ABCC11: variants seen among roughly 807,000 people sequenced by gnomAD.
ABCC11 encodes ATP binding cassette subfamily C member 11, also known as ATP-binding cassette sub-family C member 11.
In ABCC11, 135 loss-of-function variants were observed where a neutral mutation model predicts 149.3. That is an observed-to-expected ratio of 0.90 (90% CI 0.79 to 1.04). ABCC11 has a LOEUF of 1.04. Among genes scored for constraint, ABCC11 ranks in the 50% least tolerant of loss-of-function variants. ABCC11 has a pLI of 0.00. For synonymous variants in ABCC11, 665 were observed against 671.4 expected, an observed-to-expected ratio of 0.99 and a Z score of 0.15; for missense variants, 1,680 against 1,722.1, an observed-to-expected ratio of 0.98 and a Z score of 0.43.
intron 14 of ABCC11, among the ~76,000 whole-genome samples, chr16:48,202,370 G>A (rs2150827177): frequency 6.6e-6 from 1 of 152,268 alleles, no homozygotes; most frequent in Non-Finnish European, 1.5e-5. Context: ...CAGCACTTTG[G>A]AAGGCCGAGC....
intron 12 of ABCC11, 117 bp downstream of exon 12, chr16:48,208,308 C>T (rs747464434): frequency 1.3e-5 from 14 of 1,105,424 alleles, no homozygotes; most frequent in Middle Eastern, 2.8e-4. Context: ...ATAAAAATCC[C>T]ACTTGCTCAG....
In ABCC11 at chr16:48,167,385, C is replaced by T. The variant is rs368719789; in HGVS notation, c.4057-19G>A. The T allele has an allele frequency of 2.4e-5, 36 of 1,477,310 alleles. 1 individual carries two copies. The highest frequency in any genetic ancestry group is 1.4e-4 in the South Asian group (12 of 88,394). 91.5% of individuals were successfully genotyped at this position (1,477,310 alleles called of 1,614,324 possible). The stretch of plus-strand genomic sequence containing the variant: ...CTACCACCTGGAGGGTAGAGAAAGG[C>T]GAGGGGAGGATCAGGGCACAGCTGA... On this transcript the variant is annotated intron_variant, in intron 29 of 29. Coordinates refer to ENST00000356608, the MANE Select transcript of ABCC11 (RefSeq NM_001370497.1).
intron 11 of ABCC11, 21 bp downstream of exon 11, chr16:48,210,927 G>T: frequency 6.2e-7 from 1 of 1,609,832 alleles, no homozygotes; most frequent in Middle Eastern, 1.7e-4. Flanking sequence ...TGGCCTGCCT[G>T]CGTGGCCTGA....
Position 48,178,580 on chromosome 16 carries a change from C to T in ABCC11, c.3348+17G>A. The T allele has an allele frequency of 6.2e-7, 1 of 1,613,668 alleles. No individual in the cohort carries two copies. The highest frequency in any genetic ancestry group is 8.5e-7 in the Non-Finnish European group (1 of 1,179,678). On this transcript the variant is annotated intron_variant, in intron 24 of 29. Coordinates refer to ENST00000356608, the MANE Select transcript of ABCC11 (RefSeq NM_001370497.1). ...ACTTGCATGGCTCCCCACACCAGAC[C>T]CAGACCTGAACCCCACCTTCATGTA... is the stretch of plus-strand genomic sequence containing the variant.
At chr16:48,184,374 G>T in intron 23 of ABCC11, 66 bp downstream of exon 23, 1 of 1,556,228 alleles carries the variant, frequency 6.4e-7, no homozygotes, top group Non-Finnish European at 8.7e-7. Flanking sequence ...CCCTGAGTCT[G>T]CCCAGAAGCC....
In ABCC11 at chr16:48,187,321, GA is replaced by G. The variant is rs1966807407; in HGVS notation, c.2812del (p.Ser938GlnfsTer9). On this transcript the variant is annotated frameshift_variant, in exon 21 of 30. Transcript: ENST00000356608. LOFTEE classifies it high-confidence loss of function. The part of the protein sequence containing the change: ...EQLDQLLPIF[S>X]EQFLVLSLMV... ...TAAGGACAGGACCAGGAACTGCTCT[GA>G]AAAGATGGGCAAGAGCTGGTCCAGC... 1 of 1,614,094 alleles carries G rather than the reference GA, an allele frequency of 6.2e-7. No individual in the cohort carries two copies.
At chr16:48,215,175 C>A (rs1235689513) in intron 8 of ABCC11, 22 bp downstream of exon 8, 1 of 1,600,934 alleles carries the variant, frequency 6.2e-7, no homozygotes, top group South Asian at 1.1e-5. Flanking sequence ...AGGTTTGGAG[C>A]AGAAAGTCAG....
chr16:48,231,688 A>C (rs1970430590), intron 2 of ABCC11, 135 bp downstream of exon 2: 2 of 1,182,434 alleles, frequency 1.7e-6, no homozygotes, highest in East Asian at 2.7e-5. Context: ...AGAGAGAGAG[A>C]GAGCAAAAAG....
intron 23 of ABCC11, among the ~76,000 whole-genome samples, chr16:48,181,893 G>A (rs112751245): frequency 6.6e-5 from 10 of 152,298 alleles, no homozygotes; most frequent in East Asian, 1.9e-4. Context: ...GATTACAGGC[G>A]TGAGCCAACG....
chr16:48,187,531 A>G (rs1029124933), intron 20 of ABCC11, 104 bp from the exon 21 acceptor site: 1 of 912,394 alleles, frequency 1.1e-6, no homozygotes. Context: ...CACGGATCCC[A>G]GGGGTCTCCA....
At chr16:48,194,250 T>C (rs1197739867) in intron 18 of ABCC11, among the ~76,000 whole-genome samples, 1 of 152,218 alleles carries the variant, frequency 6.6e-6, no homozygotes, top group Non-Finnish European at 1.5e-5. Flanking sequence ...GAAATAGTGA[T>C]AACCTTACCA....
chr16:48,239,561 CAAAAAAAAAAA>C (rs756121627), intron 1 of ABCC11, among the ~76,000 whole-genome samples: 937 of 47,246 alleles, frequency 0.02, 21 homozygotes, highest in African/African-American at 0.058. Flanking sequence ...GACTGTGTCA[CAAAAAAAAAAA>C]AAAAAAAAAA....
intron 20 of ABCC11, among the ~76,000 whole-genome samples, chr16:48,191,535 C>T (rs1033590531): frequency 6.6e-6 from 1 of 152,160 alleles, no homozygotes; most frequent in Non-Finnish European, 1.5e-5. Flanking sequence ...TATGAGAACT[C>T]TCTGTACTTT....
rs775639090 is a variant in ABCC11, at chr16:48,215,311, G to A, written c.985C>T (p.His329Tyr). Reference sequence around the variant, plus strand: ...TGGTCGCTGACCTCAGATGTGTGATGCTGAGCCTTCACAGCCATTCTTGTC... The same window carrying A: ...TGGTCGCTGACCTCAGATGTGTGATACTGAGCCTTCACAGCCATTCTTGTC... ...FMTRMAVKAQ[H>Y]HTSEVSDQRI... The change falls in exon 8 of 30, where the codon CAT becomes TAT. Residue 329 changes from histidine to tyrosine, a missense_variant. His to Tyr is a moderately conservative substitution (Grantham distance 83). Transcript: ENST00000356608. 8.1e-6 allele frequency: 13 copies of A among 1,614,098 alleles called. No homozygotes were observed. In the South Asian group the frequency reaches 1.3e-4, roughly 16 times the overall value.
At chr16:48,191,075 C>T (rs933189002) in intron 20 of ABCC11, among the ~76,000 whole-genome samples, 4 of 152,238 alleles carry the variant, frequency 2.6e-5, no homozygotes, top group East Asian at 1.9e-4. Flanking sequence ...CTATTCTGTA[C>T]CATGGATACA....
At chr16:48,192,835 C>T in intron 19 of ABCC11, 118 bp from the exon 20 acceptor site, 3 of 974,918 alleles carry the variant, frequency 3.1e-6, no homozygotes, top group Non-Finnish European at 4.8e-6. Flanking sequence ...AAGCTGTTTG[C>T]CCAAACCTCC....
chr16:48,186,915 T>G lies in ABCC11; in HGVS notation c.3071+38A>C, dbSNP rs766539786. The G allele has an allele frequency of 1.0e-4, 164 of 1,611,808 alleles. 2 individuals are homozygous for G. In the South Asian group the frequency reaches 1.8e-3, roughly 17 times the overall value. ...CTTTCCCTGCTCCCCACCACCCCTG[T>G]GGTTCCATCATTCTCAAATGGCAGC... On this transcript the variant is annotated intron_variant, in intron 22 of 29. Coordinates refer to ENST00000356608, the MANE Select transcript of ABCC11 (RefSeq NM_001370497.1).
At chr16:48,198,778 C>A (rs1182694855) in intron 15 of ABCC11, among the ~76,000 whole-genome samples, 1 of 151,956 alleles carries the variant, frequency 6.6e-6, no homozygotes, top group Non-Finnish European at 1.5e-5. Flanking sequence ...GTGGCTCATG[C>A]TTGTAATTCC....
chr16:48,217,953 A>G (rs759462038), intron 6 of ABCC11, among the ~76,000 whole-genome samples: 2 of 152,190 alleles, frequency 1.3e-5, no homozygotes, highest in African/African-American at 4.8e-5. Context: ...CACTGCTTAC[A>G]CCAGCCAAAT....
Sources: allele counts gnomAD v4.1 joint callset (sites outside exome capture counted in the v4.1 genomes callset), GRCh38; gene constraint gnomAD v4.1.1; transcripts MANE v1.5; gene names NCBI Gene and HGNC (gene_info 2026-07-23, HGNC 2026-07-21).